The following CADM2 variants were observed in gnomAD, a reference collection of about 807,000 sequenced individuals.
CADM2 encodes the protein cell adhesion molecule 2.
In CADM2, 12 loss-of-function variants were observed where a neutral mutation model predicts 49.8. That is an observed-to-expected ratio of 0.24 (90% CI 0.15 to 0.39). CADM2 has a LOEUF of 0.39. Among genes scored for constraint, CADM2 ranks in the 10% least tolerant of loss-of-function variants. CADM2 has a pLI of 1.00. For synonymous variants in CADM2, 214 were observed against 175.4 expected, an observed-to-expected ratio of 1.22 and a Z score of -1.74; for missense variants, 378 against 492.3, an observed-to-expected ratio of 0.77 and a Z score of 2.20.
At chr3:85,184,482 C>A (rs948805791) in intron 1 of CADM2, among the ~76,000 whole-genome samples, 2 of 151,810 alleles carry the variant, frequency 1.3e-5, no homozygotes, top group African/African-American at 4.8e-5. Context: ...ATTTTTAGTT[C>A]TTTAAACATT....
At chr3:85,448,667 C>G (rs1207855024) in intron 1 of CADM2, among the ~76,000 whole-genome samples, 1 of 152,026 alleles carries the variant, frequency 6.6e-6, no homozygotes, top group Non-Finnish European at 1.5e-5. Context: ...ACAGGTCTGA[C>G]TTTGACAAAG....
intron 1 of CADM2, among the ~76,000 whole-genome samples, chr3:85,010,429 A>C (rs544654674): frequency 6.6e-6 from 1 of 152,184 alleles, no homozygotes; most frequent in East Asian, 1.9e-4. Context: ...TAAAATGAAC[A>C]GAATAACTTA....
intron 6 of CADM2, among the ~76,000 whole-genome samples, chr3:85,934,883 T>A (rs1173277562): frequency 6.6e-6 from 1 of 151,946 alleles, no homozygotes; most frequent in African/African-American, 2.4e-5. Context: ...TTGTTTATTG[T>A]AGAGAATGTG....
In CADM2 at chr3:85,541,775, T is replaced by TATATATATA. The variant is rs1559897737; in HGVS notation, c.62-184747_62-184746insATATATATA. Among the ~76,000 whole-genome samples the TATATATATA allele has an allele frequency of 1.6e-4, 14 of 88,310 alleles. No homozygotes were observed. In the South Asian group the frequency reaches 3.2e-3, roughly 20 times the overall value. The allele number at this position is 88,310 out of a possible 152,430, so 57.9% of individuals were successfully genotyped here. A position where few individuals can be genotyped will look rare whatever the true frequency, so the allele number is the denominator to read the frequency against. On this transcript the variant is annotated intron_variant, in intron 1 of 9. Transcript: ENST00000383699. Reference sequence around the variant, plus strand: ...ATATTTTATATATATATTTTATATTTTATATATATATATATATATGTATAG... The same window carrying TATATATATA: ...ATATTTTATATATATATTTTATATTTATATATATATATATATATATATATATATGTATAG...
chr3:85,317,877 A>G (rs141545705), intron 1 of CADM2, among the ~76,000 whole-genome samples: 1 of 152,250 alleles, frequency 6.6e-6, no homozygotes. Context: ...GCAATATGAA[A>G]GAGACTATAG....
intron 1 of CADM2, among the ~76,000 whole-genome samples, chr3:85,589,739 T>G (rs1275161256): frequency 3.9e-5 from 6 of 152,052 alleles, no homozygotes; most frequent in Non-Finnish European, 8.8e-5. Context: ...ATAGATACAA[T>G]TATAATCATT....
chr3:85,805,255 T>G (rs2108092363), intron 3 of CADM2, among the ~76,000 whole-genome samples: 1 of 152,260 alleles, frequency 6.6e-6, no homozygotes, highest in East Asian at 1.9e-4. Flanking sequence ...GGACTGACTT[T>G]ACTTAATTTT....
At chr3:85,887,142 C>A (rs1375231715) in intron 5 of CADM2, among the ~76,000 whole-genome samples, 1 of 152,090 alleles carries the variant, frequency 6.6e-6, no homozygotes. Flanking sequence ...GGCTGGAATG[C>A]AGTGATACGA....
chr3:85,406,910 A>G (rs1428635542), intron 1 of CADM2, among the ~76,000 whole-genome samples: 2 of 152,170 alleles, frequency 1.3e-5, no homozygotes, highest in African/African-American at 4.8e-5. Context: ...TAAAGACAAA[A>G]TACGACCAGG....
At chr3:85,734,747 C>T (rs962358607) in intron 2 of CADM2, among the ~76,000 whole-genome samples, 6 of 146,568 alleles carry the variant, frequency 4.1e-5, no homozygotes, top group African/African-American at 1.5e-4. Flanking sequence ...TGTATACATA[C>T]ATATATGTAT....
At chr3:85,493,311 A>C (rs939405968) in intron 1 of CADM2, among the ~76,000 whole-genome samples, 1 of 152,088 alleles carries the variant, frequency 6.6e-6, no homozygotes, top group Admixed American at 6.5e-5. Flanking sequence ...ATTATTCCCC[A>C]ATGTGTTCAG....
At chr3:85,714,497 G>A (rs2067219568) in intron 1 of CADM2, among the ~76,000 whole-genome samples, 1 of 152,004 alleles carries the variant, frequency 6.6e-6, no homozygotes, top group African/African-American at 2.4e-5. Flanking sequence ...TGGGATCTCG[G>A]CTCACTGCAA....
chr3:85,367,116 T>A (rs1252607227), intron 1 of CADM2, among the ~76,000 whole-genome samples: 3 of 152,052 alleles, frequency 2.0e-5, no homozygotes, highest in African/African-American at 7.2e-5. Flanking sequence ...ATATATAATA[T>A]CAAAATTGAT....
At chr3:85,510,534 C>T (rs1222590340) in intron 1 of CADM2, among the ~76,000 whole-genome samples, 1 of 151,950 alleles carries the variant, frequency 6.6e-6, no homozygotes, top group Non-Finnish European at 1.5e-5. Flanking sequence ...CCACAAAACA[C>T]TTTTGCTTTT....
intron 1 of CADM2, among the ~76,000 whole-genome samples, chr3:85,133,833 T>C (rs2107614715): frequency 6.6e-6 from 1 of 152,332 alleles, no homozygotes; most frequent in East Asian, 1.9e-4. Flanking sequence ...CAGGTGGAGC[T>C]GCCTGCCAGT....
chr3:85,855,593 T>TATAAAACATATAG, intron 3 of CADM2, among the ~76,000 whole-genome samples: 1 of 110,636 alleles, frequency 9.0e-6, no homozygotes, highest in African/African-American at 5.3e-5. Flanking sequence ...AACATATATA[T>TATAAAACATATAG]ATATAAAACA....
chr3:85,879,961 G>A (rs1712494981), intron 3 of CADM2, among the ~76,000 whole-genome samples: 1 of 152,038 alleles, frequency 6.6e-6, no homozygotes, highest in East Asian at 1.9e-4. Context: ...AGAACCACAG[G>A]GATTCCTTCT....
At chr3:85,068,933 T>A (rs1435357697) in intron 1 of CADM2, among the ~76,000 whole-genome samples, 3 of 152,138 alleles carry the variant, frequency 2.0e-5, no homozygotes, top group African/African-American at 4.8e-5. Flanking sequence ...AGCCAGTGAT[T>A]TGGAGTAATA....
At chr3:85,411,613 T>C (rs1303093912) in intron 1 of CADM2, among the ~76,000 whole-genome samples, 2 of 152,118 alleles carry the variant, frequency 1.3e-5, no homozygotes, top group East Asian at 3.9e-4. Context: ...AACCCAAATG[T>C]TGGTAAATGA....
Sources: gnomAD v4.1 joint callset for allele counts (sites outside exome capture counted in the v4.1 genomes callset) on GRCh38, gnomAD v4.1.1 for gene constraint, MANE v1.5 for transcripts, NCBI Gene and HGNC (gene_info 2026-07-23, HGNC 2026-07-21) for gene names.